The following MB21D2 variants were observed in gnomAD, a reference collection of about 807,000 sequenced individuals.
MB21D2 encodes the protein Mab-21 domain containing 2, also known as nucleotidyltransferase MB21D2.
In MB21D2, 9 loss-of-function variants were observed where a neutral mutation model predicts 33.3. The ratio of observed to expected loss-of-function variants is 0.27; its 90% confidence interval spans 0.16 to 0.47. MB21D2 has a LOEUF of 0.47. Among genes scored for constraint, MB21D2 ranks in the 20% least tolerant of loss-of-function variants. The pLI, the probability that MB21D2 is intolerant of heterozygous loss-of-function variation, is 0.99. For synonymous variants in MB21D2, 241 were observed against 236.3 expected (o/e 1.02, Z -0.18); for missense variants, 540 against 624.6 (o/e 0.86, Z 1.44).
chr3:192,797,354 C>T lies in MB21D2; in HGVS notation c.*1032G>A, dbSNP rs1720544792. ...TCTATGACCCCAAAAGAAATAAATA[C>T]AAAGACACCTACTTCATCAAGTGTA... On this transcript the variant is annotated 3_prime_UTR_variant, in exon 2 of 2. Coordinates refer to ENST00000392452, the MANE Select transcript of MB21D2 (RefSeq NM_178496.4). 6.6e-6 allele frequency: 1 copy of T among 152,522 alleles called. No individual in the cohort carries two copies. Among genetic ancestry groups the T allele is most frequent in the South Asian group, 2.1e-4 (1 of 4,826 alleles). 9.4% of individuals were successfully genotyped at this position (152,522 alleles called of 1,614,324 possible).
chr3:192,873,358 A>G (rs1247395122), intron 1 of MB21D2, among the ~76,000 whole-genome samples: 4 of 152,098 alleles, frequency 2.6e-5, no homozygotes, highest in African/African-American at 9.7e-5. Flanking sequence ...ACACAAAGAG[A>G]GTGAAATTGT....
At chr3:192,882,064 G>C (rs865795938) in intron 1 of MB21D2, among the ~76,000 whole-genome samples, 1 of 151,954 alleles carries the variant, frequency 6.6e-6, no homozygotes, top group Non-Finnish European at 1.5e-5. Context: ...GGCAAGGGTC[G>C]TCTGTCTCAT....
chr3:192,845,438 T>C (rs1320440765), intron 1 of MB21D2, among the ~76,000 whole-genome samples: 1 of 152,198 alleles, frequency 6.6e-6, no homozygotes, highest in Non-Finnish European at 1.5e-5. Context: ...CATGAAGAAG[T>C]GTTTCCTCTC....
At chr3:192,908,587 G>A (rs544520543) in intron 1 of MB21D2, among the ~76,000 whole-genome samples, 4 of 151,412 alleles carry the variant, frequency 2.6e-5, no homozygotes, top group East Asian at 3.9e-4. Flanking sequence ...CTAATGTTTC[G>A]TATTTTTTTT....
intron 1 of MB21D2, among the ~76,000 whole-genome samples, chr3:192,863,461 A>G (rs917321143): frequency 3.9e-5 from 6 of 152,240 alleles, no homozygotes; most frequent in African/African-American, 1.4e-4. Flanking sequence ...TAATTCTTGA[A>G]TCAAAAGGAA....
chr3:192,798,799 C>T lies in MB21D2; in HGVS notation c.1063G>A (p.Ala355Thr), dbSNP rs1285315718. 6 of 1,612,446 alleles carry T rather than the reference C, an allele frequency of 3.7e-6. No homozygotes were observed. The highest frequency in any genetic ancestry group is 2.2e-5 in the South Asian group (2 of 91,070). Residue 355 changes from alanine (A) to threonine (T), a missense_variant, in exon 2 of 2, where the codon GCC becomes ACC. By Grantham distance (58) the Ala-to-Thr change is moderately conservative. Coordinates refer to ENST00000392452, the MANE Select transcript of MB21D2 (RefSeq NM_178496.4). This position sits in a 1 kb window ranked among gnomAD's most constrained non-coding sequence, Gnocchi z 4.8. ...TCGATGAGGCCCAGCAAAAAGTGGG[C>T]TGCATAGTCTTCTTGAGCCAAGTAG... is the stretch of plus-strand genomic sequence containing the variant. ...ANYLAQEDYAAHFLLGLIDDL... is the reference protein window; with the variant it reads ...ANYLAQEDYATHFLLGLIDDL...
At chr3:192,900,284 CAAAAAAAAAAAAAA>C (rs66984849) in intron 1 of MB21D2, among the ~76,000 whole-genome samples, 1 of 91,176 alleles carries the variant, frequency 1.1e-5, no homozygotes, top group African/African-American at 4.4e-5. Flanking sequence ...GACTCTGTCT[CAAAAAAAAAAAAAA>C]AAAAAAAAAA....
At chr3:192,847,405 C>T (rs893526467) in intron 1 of MB21D2, among the ~76,000 whole-genome samples, 3 of 152,098 alleles carry the variant, frequency 2.0e-5, no homozygotes, top group African/African-American at 4.8e-5. Context: ...CAGGTTGAAA[C>T]GGGGTCCTTA....
At chr3:192,846,473 C>G (rs1390608923) in intron 1 of MB21D2, among the ~76,000 whole-genome samples, 4 of 152,116 alleles carry the variant, frequency 2.6e-5, no homozygotes. Flanking sequence ...TGCCCCAATG[C>G]CACAAACCAC....
intron 1 of MB21D2, among the ~76,000 whole-genome samples, chr3:192,816,222 T>TAA (rs1197108873): frequency 0.07 from 8,625 of 122,496 alleles, 812 homozygotes; most frequent in African/African-American, 0.26. Context: ...ATTTTTTTTT[T>TAA]TAAAAAAAAA....
Position 192,885,941 on chromosome 3 carries a change from C to T in MB21D2, c.211+31689G>A, listed in dbSNP as rs6807581. Among the ~76,000 whole-genome samples the T allele has an allele frequency of 1.2e-4, 18 of 152,166 alleles. 1 individual carries two copies. Among genetic ancestry groups the T allele is most frequent in the African/African-American group, 4.1e-4 (17 of 41,472 alleles). ...ATTATTTTCCTTACGTCTTTAAACC[C>T]CACTAGTTCAATTATTTTTATAATT... On this transcript the variant is annotated intron_variant, in intron 1 of 1. Transcript: ENST00000392452.
chr3:192,841,828 A>G (rs966960590), intron 1 of MB21D2, among the ~76,000 whole-genome samples: 4 of 152,192 alleles, frequency 2.6e-5, no homozygotes, highest in African/African-American at 9.6e-5. Context: ...AAATCCCTAA[A>G]GGTTAGGGGT....
intron 1 of MB21D2, among the ~76,000 whole-genome samples, chr3:192,883,776 ATAAC>A (rs1713661311): frequency 6.6e-6 from 1 of 152,156 alleles, no homozygotes; most frequent in Non-Finnish European, 1.5e-5. Flanking sequence ...CCAAAGATAC[ATAAC>A]TATTAAATAG....
At chr3:192,883,021 C>T (rs973567253) in intron 1 of MB21D2, among the ~76,000 whole-genome samples, 8 of 152,076 alleles carry the variant, frequency 5.3e-5, no homozygotes, top group Admixed American at 2.0e-4. Context: ...GCATGAGCCA[C>T]CACGCCCGGC....
chr3:192,804,426 TACACACACACACACAC>T (rs10552964), intron 1 of MB21D2, among the ~76,000 whole-genome samples: 4 of 147,062 alleles, frequency 2.7e-5, no homozygotes, highest in South Asian at 4.4e-4. Flanking sequence ...TTAAAACAGA[TACACACACACACACAC>T]ACACACACAC....
chr3:192,809,648 T>C (rs1438163428), intron 1 of MB21D2, among the ~76,000 whole-genome samples: 2 of 152,292 alleles, frequency 1.3e-5, no homozygotes, highest in South Asian at 2.1e-4. Flanking sequence ...TATTTTGGAG[T>C]AAACAGATTT....
intron 1 of MB21D2, among the ~76,000 whole-genome samples, chr3:192,832,025 G>GA (rs928494262): frequency 2.4e-4 from 36 of 151,880 alleles, no homozygotes; most frequent in South Asian, 1.5e-3. Flanking sequence ...CAGCTGAGAG[G>GA]AAAAAAAACA....
chr3:192,846,692 A>T (rs756842200), intron 1 of MB21D2, among the ~76,000 whole-genome samples: 1 of 152,236 alleles, frequency 6.6e-6, no homozygotes, highest in Non-Finnish European at 1.5e-5. Flanking sequence ...AGAAACAGCC[A>T]TCATTTGACC....
intron 1 of MB21D2, among the ~76,000 whole-genome samples, chr3:192,815,506 A>G (rs1711901856): frequency 6.6e-6 from 1 of 152,208 alleles, no homozygotes; most frequent in Admixed American, 6.5e-5. Context: ...CTCTCTCTCA[A>G]TTTCAAAGCA....
Sources: allele counts gnomAD v4.1 joint callset (sites outside exome capture counted in the v4.1 genomes callset), GRCh38; gene constraint gnomAD v4.1.1; non-coding constraint Gnocchi (gnomAD v3.1); transcripts MANE v1.5; gene names NCBI Gene and HGNC (gene_info 2026-07-23, HGNC 2026-07-21).